The following MYO3B variants were observed in gnomAD, a reference collection of about 807,000 sequenced individuals.
MYO3B encodes the protein myosin-IIIb.
MYO3B carries 156 observed loss-of-function variants against 174.6 expected under a neutral mutation model. The ratio of observed to expected loss-of-function variants is 0.89; its 90% confidence interval spans 0.78 to 1.02. The LOEUF is 1.02. MYO3B is among the 50% of genes least tolerant of loss of function. The probability of loss-of-function intolerance (pLI) is 0.00; values close to 1 mark genes in which losing one functional copy is unlikely to be tolerated. For synonymous variants in MYO3B, 563 were observed against 569.1 expected (o/e 0.99, Z 0.15); for missense variants, 1,632 against 1,639.4 (o/e 1.00, Z 0.08).
chr2:170,474,743 C>CAAAA lies in MYO3B; in HGVS notation c.3014+8070_3014+8073dup, dbSNP rs55913448. ...GGGTGACAAGAGTGAAACTCCGTCT[C>CAAAA]AAAAAAAAAAAAAAAAAAAAAAAAA... On this transcript the variant is annotated intron_variant, in intron 25 of 34. Transcript: ENST00000408978. Among the ~76,000 whole-genome samples the CAAAA allele has an allele frequency of 5.8e-3, 219 of 37,586 alleles. 14 individuals are homozygous for CAAAA. Among genetic ancestry groups the CAAAA allele is most frequent in the Non-Finnish European group, 7.5e-3 (148 of 19,628 alleles). The allele number at this position is 37,586 out of a possible 152,430, so 24.7% of individuals were successfully genotyped here.
intron 7 of MYO3B, among the ~76,000 whole-genome samples, chr2:170,256,203 C>A (rs2093303008): frequency 6.6e-6 from 1 of 152,146 alleles, no homozygotes; most frequent in Non-Finnish European, 1.5e-5. Context: ...AGCAATTTGG[C>A]TAACATATTT....
intron 28 of MYO3B, among the ~76,000 whole-genome samples, chr2:170,514,207 A>C (rs960583589): frequency 6.6e-6 from 1 of 152,228 alleles, no homozygotes; most frequent in Non-Finnish European, 1.5e-5. Flanking sequence ...AGATGTTGGA[A>C]CATCTTCAGC....
At chr2:170,228,908 A>G (rs1356811799) in intron 6 of MYO3B, among the ~76,000 whole-genome samples, 3 of 145,946 alleles carry the variant, frequency 2.1e-5, no homozygotes, top group African/African-American at 7.7e-5. Context: ...ATGAAAGACC[A>G]TCCCCCTGCC....
chr2:170,270,248 T>G (rs567295865), intron 7 of MYO3B, among the ~76,000 whole-genome samples: 1 of 152,278 alleles, frequency 6.6e-6, no homozygotes, highest in East Asian at 1.9e-4. Flanking sequence ...AAAGGGAAAT[T>G]ACAAAAACTA....
intron 32 of MYO3B, chr2:170,640,572 A>G (rs997621878): frequency 6.6e-6 from 1 of 152,244 alleles, no homozygotes; most frequent in Non-Finnish European, 1.5e-5. Flanking sequence ...ATTAAATAAC[A>G]TAATTCTTTT....
chr2:170,273,733 G>A (rs1008861797), intron 7 of MYO3B, among the ~76,000 whole-genome samples: 16 of 110,886 alleles, frequency 1.4e-4, no homozygotes, highest in Admixed American at 3.3e-4. Flanking sequence ...CCTCAAACCC[G>A]TCAAGCAGGA....
At chr2:170,328,608 C>A (rs1413453423) in intron 7 of MYO3B, among the ~76,000 whole-genome samples, 3 of 152,122 alleles carry the variant, frequency 2.0e-5, no homozygotes, top group Admixed American at 1.3e-4. Flanking sequence ...AGTTTGAAAT[C>A]CCATATGACA....
At chr2:170,376,275 TC>T (rs1318048057) in intron 9 of MYO3B, among the ~76,000 whole-genome samples, 1 of 152,226 alleles carries the variant, frequency 6.6e-6, no homozygotes, top group African/African-American at 2.4e-5. Context: ...ATGTCATTCC[TC>T]AAAGGTCTGC....
intron 8 of MYO3B, among the ~76,000 whole-genome samples, chr2:170,355,495 C>T (rs1219341808): frequency 2.6e-5 from 4 of 152,274 alleles, no homozygotes; most frequent in East Asian, 1.9e-4. Context: ...TCTCCTAGCC[C>T]CACTGTGTAT....
intron 3 of MYO3B, among the ~76,000 whole-genome samples, chr2:170,202,829 A>G (rs1324253472): frequency 6.6e-6 from 1 of 152,210 alleles, no homozygotes; most frequent in Non-Finnish European, 1.5e-5. Flanking sequence ...GCATATTAAG[A>G]ATAAATTTAT....
intron 28 of MYO3B, among the ~76,000 whole-genome samples, chr2:170,505,176 A>C (rs751872882): frequency 3.3e-5 from 5 of 151,872 alleles, no homozygotes; most frequent in Non-Finnish European, 7.4e-5. Flanking sequence ...GGCCTTTATG[A>C]GATGTAGGGG....
At chr2:170,229,533 T>C (rs796639581) in intron 6 of MYO3B, among the ~76,000 whole-genome samples, 8 of 152,356 alleles carry the variant, frequency 5.3e-5, no homozygotes, top group African/African-American at 1.9e-4. Context: ...AAAATTAGTC[T>C]GAATAATACC....
intron 7 of MYO3B, among the ~76,000 whole-genome samples, chr2:170,329,066 C>G (rs1445698317): frequency 6.6e-6 from 1 of 151,720 alleles, no homozygotes; most frequent in Non-Finnish European, 1.5e-5. Context: ...ACAGGAGAAT[C>G]ACTTGAACCT....
chr2:170,184,806 A>G (rs1394349331), intron 1 of MYO3B, among the ~76,000 whole-genome samples: 1 of 152,162 alleles, frequency 6.6e-6, no homozygotes, highest in Non-Finnish European at 1.5e-5. Flanking sequence ...TCCCACCAAC[A>G]GTGTACAAGA....
At chr2:170,397,607 G>A (rs565050856) in intron 16 of MYO3B, among the ~76,000 whole-genome samples, 35 of 152,144 alleles carry the variant, frequency 2.3e-4, no homozygotes, top group Non-Finnish European at 4.4e-4. Context: ...AATCGGAACC[G>A]TTTTTACTCA....
At chr2:170,635,864 C>A (rs1697420535) in intron 32 of MYO3B, among the ~76,000 whole-genome samples, 2 of 152,116 alleles carry the variant, frequency 1.3e-5, no homozygotes, top group South Asian at 4.1e-4. Flanking sequence ...AAGTTCGTAA[C>A]CACATGTATG....
intron 32 of MYO3B, among the ~76,000 whole-genome samples, chr2:170,586,060 G>T (rs1693480793): frequency 6.6e-6 from 1 of 152,166 alleles, no homozygotes; most frequent in South Asian, 2.1e-4. Context: ...TCACACAAGT[G>T]TTTGTTCAGG....
intron 28 of MYO3B, among the ~76,000 whole-genome samples, chr2:170,506,443 T>A (rs143011322): frequency 6.6e-6 from 1 of 152,258 alleles, no homozygotes; most frequent in Admixed American, 6.5e-5. Flanking sequence ...TTTGCCTACG[T>A]GTGCAGGACA....
chr2:170,214,567 G>A, intron 4 of MYO3B, 84 bp downstream of exon 4: 1 of 1,416,368 alleles, frequency 7.1e-7, no homozygotes, highest in Non-Finnish European at 9.9e-7. Context: ...TTAACAATGG[G>A]GAAACTGCCC....
Sources: gnomAD v4.1 joint callset for allele counts (sites outside exome capture counted in the v4.1 genomes callset) on GRCh38, gnomAD v4.1.1 for gene constraint, MANE v1.5 for transcripts, NCBI Gene and HGNC (gene_info 2026-07-23, HGNC 2026-07-21) for gene names.